DNAAF9: variants seen among roughly 807,000 people sequenced by gnomAD.
The protein encoded by DNAAF9 is shulin.
In DNAAF9, 90 loss-of-function variants were observed where a neutral mutation model predicts 167.0. The observed-to-expected ratio is 0.54, with a 90% CI of 0.45 to 0.64. The LOEUF is 0.64. Among genes scored for constraint, DNAAF9 ranks in the 30% least tolerant of loss-of-function variants. The pLI is 0.00. For missense variants in DNAAF9, 1,315 were observed against 1,442.2 expected (o/e 0.91, Z 1.43); for synonymous variants, 491 against 508.8 (o/e 0.96, Z 0.47).
chr20:3,293,292 C>CAAAAAAAAAAAAA lies in DNAAF9; in HGVS notation c.2238+834_2238+846dup, dbSNP rs1172725572. On this transcript the variant is annotated intron_variant, in intron 25 of 36. Coordinates refer to ENST00000252032, the MANE Select transcript of DNAAF9 (RefSeq NM_001009984.3). ...TGGGCAACAGAGGGAGACTCCGTCT[C>CAAAAAAAAAAAAA]AAAAAAAAAAAAAAAAAAAAAAAAA... 3.1e-4 allele frequency among the ~76,000 whole-genome samples: 7 copies of CAAAAAAAAAAAAA among 22,872 alleles called. 2 individuals carry two copies. In the East Asian group the frequency reaches 6.3e-3, roughly 21 times the overall value. 15.0% of individuals were successfully genotyped at this position (22,872 alleles called of 152,430 possible).
chr20:3,256,361 G>C (rs1324075061), intron 33 of DNAAF9, 150 bp from the exon 34 acceptor site: 2 of 646,568 alleles, frequency 3.1e-6, no homozygotes, highest in Non-Finnish European at 5.5e-6. Context: ...AGAAAGGATG[G>C]AGTAGGTGGG....
intron 23 of DNAAF9, chr20:3,295,934 CCT>C (rs2069067962): frequency 2.5e-6 from 4 of 1,575,506 alleles, no homozygotes; most frequent in Admixed American, 1.7e-5. Context: ...ACATATTTCC[CCT>C]GTCTCTGTGA....
chr20:3,290,476 T>A (rs1314545013), intron 25 of DNAAF9, among the ~76,000 whole-genome samples: 1 of 152,206 alleles, frequency 6.6e-6, no homozygotes, highest in Non-Finnish European at 1.5e-5. Context: ...TGTTACTAGT[T>A]TAATTTTTAC....
In DNAAF9 at chr20:3,256,132, T is replaced by G; in HGVS notation, c.3135A>C (p.Thr1045=). Residue 1045 remains threonine, a synonymous_variant, in exon 34 of 37, where the codon ACA becomes ACC. Coordinates refer to ENST00000252032, the MANE Select transcript of DNAAF9 (RefSeq NM_001009984.3). ...ATACGCTTTTGGAGTCTGGTGGTGG[T>G]GTGGGTCCTTCCAAAACTGGCATGA... ...LSIMPVLEGP[T]PPPDSKSVSQ... The G allele has an allele frequency of 6.2e-7, 1 of 1,614,148 alleles. No homozygotes were observed. The highest frequency in any genetic ancestry group is 8.5e-7 in the Non-Finnish European group (1 of 1,179,996).
chr20:3,345,709 T>G (rs867413164), intron 8 of DNAAF9, among the ~76,000 whole-genome samples: 25 of 152,136 alleles, frequency 1.6e-4, no homozygotes, highest in African/African-American at 5.3e-4. Flanking sequence ...GCAGATCAAT[T>G]TACATAAAAA....
chr20:3,318,456 G>C (rs1205894500), intron 16 of DNAAF9, 56 bp from the exon 17 acceptor site: 1 of 861,578 alleles, frequency 1.2e-6, no homozygotes, highest in Middle Eastern at 2.2e-4. Flanking sequence ...TTTCAGAGAA[G>C]TCCATAAGAA....
At position 3,388,002 on chromosome 20, in the gene DNAAF9, G is replaced by A. The variant is rs142829276; in HGVS notation, c.84-5496C>T. Among the ~76,000 whole-genome samples, 495 of 150,080 alleles carry A rather than the reference G, an allele frequency of 3.3e-3. 3 individuals carry two copies. The highest frequency in any genetic ancestry group is 0.011 in the African/African-American group (466 of 40,768). ...GATCATCTGAGCCCAAGAGGTTGAG[G>A]CTGCAGTGTGAGATGTGTTCACGCC... On this transcript the variant is annotated intron_variant, in intron 1 of 36. Transcript: ENST00000252032.
At chr20:3,311,749 T>C (rs1464218337) in intron 20 of DNAAF9, among the ~76,000 whole-genome samples, 1 of 152,184 alleles carries the variant, frequency 6.6e-6, no homozygotes, top group East Asian at 1.9e-4. Context: ...AGATATTGTC[T>C]AGGTATATAG....
chr20:3,392,725 C>T (rs1316257247), intron 1 of DNAAF9, among the ~76,000 whole-genome samples: 2 of 152,158 alleles, frequency 1.3e-5, no homozygotes, highest in East Asian at 3.9e-4. Flanking sequence ...CATTATCTTG[C>T]TTCCCTGGAA....
intron 21 of DNAAF9, among the ~76,000 whole-genome samples, chr20:3,303,241 CAA>C (rs778026384): frequency 8.5e-5 from 10 of 117,962 alleles, no homozygotes; most frequent in Admixed American, 9.1e-5. Context: ...GACTCTGTCT[CAA>C]AAAAAAAAAA....
At chr20:3,306,873 A>C (rs910954627) in intron 20 of DNAAF9, 1 of 982,536 alleles carries the variant, frequency 1.0e-6, no homozygotes, top group African/African-American at 1.8e-5. Flanking sequence ...CCACAAGATG[A>C]CTCTACTTAC....
Position 3,372,280 on chromosome 20 carries a change from A to C in DNAAF9, c.612+1768T>G, listed in dbSNP as rs540226689. ...TGTAGGCCAAACTGCTCCACACCTC[A>C]AAGCACTGGGAAGGGCAGGGGAAAG... On this transcript the variant is annotated intron_variant, in intron 6 of 36. Transcript: ENST00000252032. Among the ~76,000 whole-genome samples the C allele has an allele frequency of 1.1e-4, 16 of 152,352 alleles. No individual in the cohort carries two copies. In the East Asian group the frequency reaches 3.1e-3, roughly 29 times the overall value.
At chr20:3,394,903 CATT>C (rs910457898) in intron 1 of DNAAF9, among the ~76,000 whole-genome samples, 12 of 142,210 alleles carry the variant, frequency 8.4e-5, no homozygotes, top group Admixed American at 2.9e-4. Flanking sequence ...GTCCTTCTAT[CATT>C]GTTTCAAAGA....
chr20:3,362,948 G>C (rs964357856), intron 6 of DNAAF9, among the ~76,000 whole-genome samples: 17 of 152,162 alleles, frequency 1.1e-4, no homozygotes, highest in African/African-American at 4.1e-4. Flanking sequence ...ATTAATGCAG[G>C]CCAGGCACAG....
intron 14 of DNAAF9, among the ~76,000 whole-genome samples, chr20:3,322,929 G>A (rs2236119): frequency 6.6e-6 from 1 of 151,602 alleles, no homozygotes; most frequent in African/African-American, 2.4e-5. Flanking sequence ...TCCTAAGGAC[G>A]GTCTTGACTC....
rs1258382355 is a variant in DNAAF9, at chr20:3,394,942, C to CTTTTTTTTTTTTTTTTT, written c.84-12437_84-12436insAAAAAAAAAAAAAAAAA. On this transcript the variant is annotated intron_variant, in intron 1 of 36. Transcript: ENST00000252032. Reference sequence around the variant, plus strand: ...TTCCATGGCTTTTACTGAACATTTTCTTTTTTCTTTTTTTTTTTTTTTTTT... The same window carrying CTTTTTTTTTTTTTTTTT: ...TTCCATGGCTTTTACTGAACATTTTCTTTTTTTTTTTTTTTTTTTTTTTCTTTTTTTTTTTTTTTTTT... Among the ~76,000 whole-genome samples the CTTTTTTTTTTTTTTTTT allele has an allele frequency of 9.0e-5, 8 of 89,018 alleles. 1 individual carries two copies. Among genetic ancestry groups the CTTTTTTTTTTTTTTTTT allele is most frequent in the East Asian group, 4.1e-4 (1 of 2,446 alleles). 58.4% of individuals were successfully genotyped at this position (89,018 alleles called of 152,430 possible). A position where few individuals can be genotyped will look rare whatever the true frequency, so the allele number is the denominator to read the frequency against.
At chr20:3,388,045 G>A (rs2083774889) in intron 1 of DNAAF9, among the ~76,000 whole-genome samples, 1 of 148,528 alleles carries the variant, frequency 6.7e-6, no homozygotes, top group Admixed American at 6.7e-5. Context: ...TCTGGTCTGG[G>A]CAACAGAGCA....
intron 16 of DNAAF9, among the ~76,000 whole-genome samples, chr20:3,319,082 C>CAAAAAAAAAAAAAAAAAAAA (rs71195834): frequency 1.4e-5 from 1 of 71,136 alleles, no homozygotes; most frequent in Non-Finnish European, 2.5e-5. Flanking sequence ...GACTCTGTCT[C>CAAAAAAAAAAAAAAAAAAAA]AAAAAAAAAA....
intron 25 of DNAAF9, among the ~76,000 whole-genome samples, chr20:3,291,833 C>T (rs1238957973): frequency 2.0e-5 from 3 of 152,112 alleles, no homozygotes; most frequent in Non-Finnish European, 2.9e-5. Context: ...AGGGCCTCTA[C>T]ACCGTACCCC....
Sources: gnomAD v4.1 joint callset for allele counts (sites outside exome capture counted in the v4.1 genomes callset) on GRCh38, gnomAD v4.1.1 for gene constraint, MANE v1.5 for transcripts, NCBI Gene and HGNC (gene_info 2026-07-23, HGNC 2026-07-21) for gene names.